The following DIP2C variants were observed in gnomAD, a reference collection of about 807,000 sequenced individuals.
DIP2C encodes the protein disco-interacting protein 2 homolog C.
Under a neutral mutation model 192.4 loss-of-function variants are expected in DIP2C, and 33 were observed. The ratio of observed to expected loss-of-function variants is 0.17; its 90% confidence interval spans 0.13 to 0.23. The LOEUF (loss-of-function observed/expected upper bound fraction) is 0.23, where lower values mean the gene tolerates loss of function less well. DIP2C is among the 10% of genes least tolerant of loss of function. DIP2C has a pLI of 1.00. For synonymous variants in DIP2C, 979 were observed against 864.1 expected, an observed-to-expected ratio of 1.13 and a Z score of -2.33; for missense variants, 1,537 against 2,110.1, an observed-to-expected ratio of 0.73 and a Z score of 5.32.
chr10:351,772 T>C (rs773864792), intron 24 of DIP2C, among the ~76,000 whole-genome samples: 1 of 152,128 alleles, frequency 6.6e-6, no homozygotes, highest in Non-Finnish European at 1.5e-5. Flanking sequence ...CATTTACTCT[T>C]AGAGGGGCTC....
At chr10:291,531 A>T (rs747304519) in intron 32 of DIP2C, among the ~76,000 whole-genome samples, 18 of 152,232 alleles carry the variant, frequency 1.2e-4, no homozygotes, top group Admixed American at 2.6e-4. Flanking sequence ...ACTAGGAGAT[A>T]TATTTGTAAC....
intron 32 of DIP2C, among the ~76,000 whole-genome samples, chr10:305,241 G>A (rs904047329): frequency 6.6e-6 from 1 of 152,070 alleles, no homozygotes; most frequent in African/African-American, 2.4e-5. Context: ...AGGCAAGCTC[G>A]CACATGTACA....
rs1478825119 is a variant in DIP2C, at chr10:337,799, A to G, written c.3584+3400T>C. On this transcript the variant is annotated intron_variant, in intron 29 of 36. Coordinates refer to ENST00000280886, the MANE Select transcript of DIP2C (RefSeq NM_014974.3). ...AAGGCCTAGGCAGCTGTGTGTGTGC[A>G]CGTGTGTCGTGGAGGCCTACGCAGC... 2.4e-4 allele frequency among the ~76,000 whole-genome samples: 4 copies of G among 16,724 alleles called. 1 individual carries two copies. Among genetic ancestry groups the G allele is most frequent in the East Asian group, 2.4e-3 (1 of 412 alleles). The allele number at this position is 16,724 out of a possible 152,430, so 11.0% of individuals were successfully genotyped here. A position where few individuals can be genotyped will look rare whatever the true frequency, so the allele number is the denominator to read the frequency against.
intron 33 of DIP2C, among the ~76,000 whole-genome samples, chr10:287,669 G>GAAAAAAAAAA (rs34102226): frequency 4.0e-5 from 5 of 124,040 alleles, no homozygotes; most frequent in Non-Finnish European, 3.4e-5. Context: ...GGCCGAAACG[G>GAAAAAAAAAA]AAAAAAAAAA....
Position 436,782 on chromosome 10 carries a change from GCT to G in DIP2C, c.394+4087_394+4088del, listed in dbSNP as rs201660481. On this transcript the variant is annotated intron_variant, in intron 4 of 36. Transcript: ENST00000280886. ...GGTGATATGCTCCGCCCACACCTGA[GCT>G]CTCTCTGAGCTCCGCCTCCTGGACA... 8.5e-3 allele frequency among the ~76,000 whole-genome samples: 962 copies of G among 113,024 alleles called. 26 individuals are homozygous for G. Among genetic ancestry groups the G allele is most frequent in the African/African-American group, 0.039 (745 of 19,320 alleles). The allele number at this position is 113,024 out of a possible 152,430, so 74.1% of individuals were successfully genotyped here.
chr10:444,475 G>A (rs1329674750), intron 3 of DIP2C, among the ~76,000 whole-genome samples: 1 of 151,808 alleles, frequency 6.6e-6, no homozygotes, highest in Non-Finnish European at 1.5e-5. Flanking sequence ...ACGCCATGGT[G>A]TTCACTCAAG....
At chr10:374,936 A>C (rs994933055) in intron 17 of DIP2C, among the ~76,000 whole-genome samples, 4 of 152,232 alleles carry the variant, frequency 2.6e-5, no homozygotes, top group African/African-American at 9.6e-5. Flanking sequence ...AATGGTGTTC[A>C]AGACCAAACA....
chr10:387,572 C>G (rs148848077), intron 14 of DIP2C, among the ~76,000 whole-genome samples, 173 bp downstream of exon 14: 1 of 117,782 alleles, frequency 8.5e-6, no homozygotes, highest in African/African-American at 3.4e-5. Flanking sequence ...GGGTGGGGGG[C>G]GACTCCTGTG....
At chr10:632,236 G>A (rs563910180) in intron 1 of DIP2C, among the ~76,000 whole-genome samples, 2 of 152,356 alleles carry the variant, frequency 1.3e-5, no homozygotes, top group South Asian at 4.1e-4. Flanking sequence ...TATAGGTCAA[G>A]GTGTGGGAGG....
At chr10:685,187 CATATATATAT>C (rs1206918396) in intron 1 of DIP2C, among the ~76,000 whole-genome samples, 4 of 22,328 alleles carry the variant, frequency 1.8e-4, no homozygotes, top group Non-Finnish European at 4.2e-4. Flanking sequence ...TATATATATA[CATATATATAT>C]ATATATATAT....
intron 3 of DIP2C, among the ~76,000 whole-genome samples, chr10:446,509 A>T (rs1968232645): frequency 6.6e-6 from 1 of 152,246 alleles, no homozygotes; most frequent in African/African-American, 2.4e-5. Flanking sequence ...TTTTCTAAAT[A>T]AGGCCCTGTG....
At chr10:679,577 A>G (rs1178512922) in intron 1 of DIP2C, among the ~76,000 whole-genome samples, 5 of 40,610 alleles carry the variant, frequency 1.2e-4, no homozygotes, top group Admixed American at 3.1e-4. Context: ...TCCTCCCCCC[A>G]CCCATGCTCC....
chr10:310,161 G>T, intron 31 of DIP2C, 69 bp from the exon 32 acceptor site: 1 of 1,360,906 alleles, frequency 7.3e-7, no homozygotes, highest in Non-Finnish European at 1.0e-6. Flanking sequence ...GCTTCTACTA[G>T]TTAGGAAACA....
chr10:435,856 G>A (rs771871620), intron 4 of DIP2C, among the ~76,000 whole-genome samples: 15 of 152,052 alleles, frequency 9.9e-5, no homozygotes, highest in Admixed American at 2.0e-4. Context: ...TATAATTGTA[G>A]ATTTAAAAAC....
At chr10:591,691 C>T (rs1851412118) in intron 1 of DIP2C, among the ~76,000 whole-genome samples, 1 of 152,160 alleles carries the variant, frequency 6.6e-6, no homozygotes, top group Non-Finnish European at 1.5e-5. Flanking sequence ...AAGGACGAAG[C>T]CACCAGCTAG....
chr10:373,469 CAGAAAAGCTGAGTGTTG>C (rs1317049880), intron 17 of DIP2C, among the ~76,000 whole-genome samples: 2 of 152,114 alleles, frequency 1.3e-5, no homozygotes, highest in Admixed American at 1.3e-4. Flanking sequence ...TCTATGTTGG[CAGAAAAGCTGAGTGTTG>C]GGAGAAGCTG....
intron 1 of DIP2C, among the ~76,000 whole-genome samples, chr10:590,203 G>A (rs1009934248): frequency 6.6e-6 from 1 of 152,244 alleles, no homozygotes; most frequent in African/African-American, 2.4e-5. Flanking sequence ...TGAACGACGA[G>A]GCTCGAATGT....
At chr10:499,962 G>A (rs1845110337) in intron 1 of DIP2C, among the ~76,000 whole-genome samples, 1 of 152,212 alleles carries the variant, frequency 6.6e-6, no homozygotes, top group Admixed American at 6.5e-5. Context: ...CTGCCACAAT[G>A]GGACTGGGGA....
intron 3 of DIP2C, among the ~76,000 whole-genome samples, chr10:448,174 G>A (rs1217775277): frequency 7.6e-5 from 8 of 104,684 alleles, no homozygotes; most frequent in African/African-American, 1.1e-4. Flanking sequence ...CACTCCCGTC[G>A]ATACTCAGGA....
Sources: allele counts gnomAD v4.1 joint callset (sites outside exome capture counted in the v4.1 genomes callset), GRCh38; gene constraint gnomAD v4.1.1; transcripts MANE v1.5; gene names NCBI Gene and HGNC (gene_info 2026-07-23, HGNC 2026-07-21).